Variants in FLRT1 observed in about 807,000 individuals in gnomAD.
FLRT1 encodes the protein fibronectin leucine rich transmembrane protein 1.
In FLRT1, 14 loss-of-function variants were observed where a neutral mutation model predicts 30.9. The observed-to-expected ratio is 0.45, with a 90% CI of 0.30 to 0.71. The LOEUF (loss-of-function observed/expected upper bound fraction) is 0.71. FLRT1 is among the 30% of genes least tolerant of loss of function. FLRT1 has a pLI of 0.08. For missense variants in FLRT1, 737 were observed against 949.2 expected (o/e 0.78, Z 2.94); for synonymous variants, 368 against 430.4 (o/e 0.85, Z 1.80).
intron 1 of FLRT1, among the ~76,000 whole-genome samples, chr11:64,087,687 T>C (rs1444356557): frequency 6.6e-6 from 1 of 152,246 alleles, no homozygotes; most frequent in African/African-American, 2.4e-5. Context: ...TCTCCTGTGA[T>C]GATCTCATGA....
chr11:64,101,789 A>G (rs1018225703), intron 1 of FLRT1, among the ~76,000 whole-genome samples: 7 of 151,986 alleles, frequency 4.6e-5, no homozygotes, highest in Admixed American at 3.3e-4. Context: ...TGTAGTATTC[A>G]CCAGGCACTG....
rs1943957987 is a variant in FLRT1 at position 64,064,385 on chromosome 11, G to A, written c.-1038+28226G>A. 1.3e-5 allele frequency among the ~76,000 whole-genome samples: 2 copies of A among 152,294 alleles called. No homozygotes were observed. The highest frequency in any genetic ancestry group is 4.8e-5 in the African/African-American group (2 of 41,572). ...TATGGGGCCACAGGCATTGGATGGA[G>A]GATGGAGGAGGCTCAGGGCCAGTGC... On this transcript the variant is annotated intron_variant, in intron 1 of 2. Transcript: ENST00000682287. This position sits in a 1 kb window ranked among gnomAD's most constrained non-coding sequence, Gnocchi z 4.5.
At chr11:64,050,177 C>A (rs1348383594) in intron 1 of FLRT1, among the ~76,000 whole-genome samples, 1 of 152,106 alleles carries the variant, frequency 6.6e-6, no homozygotes, top group Non-Finnish European at 1.5e-5. Flanking sequence ...ACCTCTCCCT[C>A]CACCCATCCC....
chr11:64,116,981 C>T lies in FLRT1; in HGVS notation c.714C>T (p.Arg238=), dbSNP rs3751120. ...VLDGNLLANQ[R]IADDTFSRLQ... ...ACGGTAACCTGCTGGCCAACCAGCG[C>T]ATCGCCGACGACACCTTCAGCCGCC... is the stretch of plus-strand genomic sequence containing the variant. Residue 238 remains arginine (R), a synonymous_variant, in exon 3 of 3, where the codon CGC becomes CGT. Coordinates refer to ENST00000682287, the MANE Select transcript of FLRT1 (RefSeq NM_013280.5). 195,529 of 1,611,884 alleles carry T rather than the reference C, an allele frequency of 0.12. 24,325 individuals carry two copies. The highest frequency in any genetic ancestry group is 0.52 in the East Asian group (23,500 of 44,824).
intron 1 of FLRT1, among the ~76,000 whole-genome samples, chr11:64,048,802 C>A (rs1739962667): frequency 6.6e-6 from 1 of 152,228 alleles, no homozygotes; most frequent in South Asian, 2.1e-4. Context: ...CCATTCTGAG[C>A]CCCAGGGGCT....
chr11:64,066,643 GAA>G (rs942773480), intron 1 of FLRT1, among the ~76,000 whole-genome samples: 4 of 78,894 alleles, frequency 5.1e-5, no homozygotes, highest in Admixed American at 1.3e-4. Context: ...TCTTCAAAAA[GAA>G]AAAAAAAAAA....
chr11:64,041,858 G>A (rs1943493538), intron 1 of FLRT1, among the ~76,000 whole-genome samples: 1 of 152,208 alleles, frequency 6.6e-6, no homozygotes. Flanking sequence ...AGAGGGTCAC[G>A]GGAGTTTCAC....
At chr11:64,039,304 AG>A (rs1943441243) in intron 1 of FLRT1, among the ~76,000 whole-genome samples, 1 of 152,106 alleles carries the variant, frequency 6.6e-6, no homozygotes, top group Admixed American at 6.5e-5. Flanking sequence ...CCCCGGGGGT[AG>A]CTTTCCCTGC....
Position 64,090,850 on chromosome 11 carries a change from C to T in FLRT1, c.-1037-12344C>T, listed in dbSNP as rs1944477720. 6.6e-6 allele frequency among the ~76,000 whole-genome samples: 1 copy of T among 152,040 alleles called. No homozygotes were observed. Among genetic ancestry groups the T allele is most frequent in the Non-Finnish European group, 1.5e-5 (1 of 68,000 alleles). ...CCCGAGTCGGGTCCAGCCCTGCACT[C>T]CCAGGGAGCCCTGAGGGACGAAGTA... On this transcript the variant is annotated intron_variant, in intron 1 of 2. Coordinates refer to ENST00000682287, the MANE Select transcript of FLRT1 (RefSeq NM_013280.5). The surrounding 1 kb of genome is among the most constrained non-coding windows in gnomAD (Gnocchi z 4.7).
rs1342597813 is a variant in FLRT1 at position 64,116,431 on chromosome 11, C to A, written c.164C>A (p.Pro55His). The A allele has an allele frequency of 6.2e-7, 1 of 1,613,952 alleles. No individual in the cohort carries two copies. Among genetic ancestry groups the A allele is most frequent in the African/African-American group, 1.3e-5 (1 of 74,932 alleles). ...GAGGTCATCGACAGCACCACCTGCC[C>A]CTCGGTGTGCCGCTGCGACAACGGC... is the stretch of plus-strand genomic sequence containing the variant. ...LTEVIDSTTC[P>H]SVCRCDNGFI... The change falls in exon 3 of 3, where the codon CCC (proline) becomes CAC (histidine). Residue 55 changes from proline to histidine, a missense_variant. By Grantham distance (77) the Pro-to-His change is moderately conservative. Coordinates refer to ENST00000682287, the MANE Select transcript of FLRT1 (RefSeq NM_013280.5).
At chr11:64,112,437 C>T (rs984605758) in intron 2 of FLRT1, among the ~76,000 whole-genome samples, 5 of 152,178 alleles carry the variant, frequency 3.3e-5, no homozygotes, top group African/African-American at 1.2e-4. Context: ...TCTCTTGAAC[C>T]TGGGAGGCGG....
At position 64,067,592 on chromosome 11, in the gene FLRT1, G is replaced by C. The variant is rs1346094391; in HGVS notation, c.-1038+31433G>C. Among the ~76,000 whole-genome samples, 1 of 152,060 alleles carries C rather than the reference G, an allele frequency of 6.6e-6. No individual in the cohort carries two copies. Among genetic ancestry groups the C allele is most frequent in the Non-Finnish European group, 1.5e-5 (1 of 68,004 alleles). On this transcript the variant is annotated intron_variant, in intron 1 of 2. Coordinates refer to ENST00000682287, the MANE Select transcript of FLRT1 (RefSeq NM_013280.5). This position sits in a 1 kb window ranked among gnomAD's most constrained non-coding sequence, Gnocchi z 4.6. ...CAGGACCCAGGCTTGTCTCCCTCCT[G>C]TCCCTAGGTGGGTGACGCACCAACA...
chr11:64,066,550 T>C (rs1218286647), intron 1 of FLRT1, among the ~76,000 whole-genome samples: 1 of 149,766 alleles, frequency 6.7e-6, no homozygotes, highest in Non-Finnish European at 1.5e-5. Flanking sequence ...GCCTGGGAGG[T>C]CAAGGCTACA....
In FLRT1 at chr11:64,067,726, C is replaced by T. The variant is rs1281125486; in HGVS notation, c.-1038+31567C>T. Among the ~76,000 whole-genome samples the T allele has an allele frequency of 6.6e-6, 1 of 152,204 alleles. No homozygotes were observed. Among genetic ancestry groups the T allele is most frequent in the African/African-American group, 2.4e-5 (1 of 41,450 alleles). ...GATTGCGGACACGCCCCTCGCGAGG[C>T]ACCGCAGGCTGCCACCCCCAGCTTG... On this transcript the variant is annotated intron_variant, in intron 1 of 2. Transcript: ENST00000682287. The surrounding 1 kb of genome is among the most constrained non-coding windows in gnomAD (Gnocchi z 4.6).
At chr11:64,058,064 C>G (rs1025372774) in intron 1 of FLRT1, among the ~76,000 whole-genome samples, 8 of 152,264 alleles carry the variant, frequency 5.3e-5, no homozygotes, top group African/African-American at 1.7e-4. Context: ...CGACACTGGG[C>G]TGCGCTAGGA....
intron 1 of FLRT1, among the ~76,000 whole-genome samples, chr11:64,087,413 G>A (rs1197038286): frequency 6.6e-6 from 1 of 152,168 alleles, no homozygotes; most frequent in Non-Finnish European, 1.5e-5. Flanking sequence ...AGCCCGAGGA[G>A]ACTCCGGGGT....
intron 1 of FLRT1, among the ~76,000 whole-genome samples, chr11:64,075,771 C>G (rs928254090): frequency 6.6e-6 from 1 of 152,244 alleles, no homozygotes; most frequent in Non-Finnish European, 1.5e-5. Context: ...CTCCCAGGTT[C>G]AAGGGATTCT....
chr11:64,059,965 C>T (rs1217082613), intron 1 of FLRT1, among the ~76,000 whole-genome samples: 1 of 152,132 alleles, frequency 6.6e-6, no homozygotes, highest in African/African-American at 2.4e-5. Context: ...GGGGCCGGGG[C>T]ACCCTGTGGT....
chr11:64,079,006 G>A (rs1944256374), intron 1 of FLRT1, among the ~76,000 whole-genome samples: 1 of 152,162 alleles, frequency 6.6e-6, no homozygotes, highest in African/African-American at 2.4e-5. Context: ...GTTCTGAGGG[G>A]AGGGTGGTGA....
Sources: gnomAD v4.1 joint callset for allele counts (sites outside exome capture counted in the v4.1 genomes callset) on GRCh38, gnomAD v4.1.1 for gene constraint, Gnocchi (gnomAD v3.1) non-coding constraint, MANE v1.5 for transcripts, NCBI Gene and HGNC (gene_info 2026-07-23, HGNC 2026-07-21) for gene names.